Variants in CRYBG3 observed in about 807,000 individuals in gnomAD.
The protein encoded by CRYBG3 is crystallin beta-gamma domain containing 3, also known as very large A-kinase anchor protein.
Under a neutral mutation model 244.2 loss-of-function variants are expected in CRYBG3, and 127 were observed. That is an observed-to-expected ratio of 0.52 (90% confidence interval 0.45 to 0.60). CRYBG3 has a LOEUF of 0.60. CRYBG3 is among the 20% of genes least tolerant of loss of function. The pLI is 0.00. For missense variants in CRYBG3, 3,325 were observed against 3,442.5 expected (o/e 0.97, Z 0.85); for synonymous variants, 1,132 against 1,195.8 (o/e 0.95, Z 1.10).
intron 18 of CRYBG3, among the ~76,000 whole-genome samples, chr3:97,934,120 G>A (rs1237027010): frequency 1.3e-5 from 2 of 151,900 alleles, no homozygotes; most frequent in Non-Finnish European, 2.9e-5. Context: ...GACCAAGTTC[G>A]ATGTTGTTTT....
intron 3 of CRYBG3, among the ~76,000 whole-genome samples, chr3:97,866,023 G>A (rs971361972): frequency 1.3e-5 from 2 of 152,020 alleles, no homozygotes; most frequent in African/African-American, 4.8e-5. Context: ...CAATAGAAAA[G>A]TCAAACAATA....
rs538318680 is a variant in CRYBG3 at position 97,873,939 on chromosome 3, C to T, written c.2745C>T (p.Ala915=). 1 of 1,535,714 alleles carries T rather than the reference C, an allele frequency of 6.5e-7. No individual in the cohort carries two copies. The highest frequency in any genetic ancestry group is 1.4e-5 in the African/African-American group (1 of 73,118). ...ENCQAELSPA[A]SKYEDKPEPE... ...GCCAAGCTGAGCTTTCTCCTGCTGC[C>T]TCCAAATATGAAGATAAGCCAGAAC... Residue 915 remains alanine, a synonymous_variant, in exon 4 of 22, where the codon GCC becomes GCT. Coordinates refer to ENST00000389622, the MANE Select transcript of CRYBG3 (RefSeq NM_153605.4).
intron 3 of CRYBG3, among the ~76,000 whole-genome samples, chr3:97,865,058 G>A (rs2039208632): frequency 6.6e-6 from 1 of 152,100 alleles, no homozygotes; most frequent in Non-Finnish European, 1.5e-5. Context: ...AATGGACTCT[G>A]TTCATGAAAC....
At chr3:97,888,317 A>T in intron 8 of CRYBG3, 24 bp from the exon 9 acceptor site, 1 of 1,406,220 alleles carries the variant, frequency 7.1e-7, no homozygotes, top group Non-Finnish European at 1.0e-6. Context: ...ATTATACTTT[A>T]ACTAACTATC....
At chr3:97,842,673 A>G (rs1016576999) in intron 1 of CRYBG3, among the ~76,000 whole-genome samples, 1 of 152,198 alleles carries the variant, frequency 6.6e-6, no homozygotes, top group South Asian at 2.1e-4. Context: ...TTGGGAAATC[A>G]GATTTTAAGG....
At chr3:97,823,852 C>A (rs960825864) in intron 1 of CRYBG3, among the ~76,000 whole-genome samples, 1 of 152,190 alleles carries the variant, frequency 6.6e-6, no homozygotes, top group Non-Finnish European at 1.5e-5. Flanking sequence ...TCCTGCTTGC[C>A]TCTCTGCCCT....
Position 97,822,282 on chromosome 3 carries a change from C to T in CRYBG3, c.76C>T (p.Arg26Trp), listed in dbSNP as rs2038511232. Residue 26 changes from arginine to tryptophan, a missense_variant, in exon 1 of 22, where the codon CGG (arginine) becomes TGG (tryptophan). Physicochemically the swap from Arg to Trp is moderately radical, Grantham distance 101 (BLOSUM62 -3). This residue lies in a region of CRYBG3 where 1,526 missense variants were observed against 1,443.2 expected (regional missense o/e 1.06). Coordinates refer to ENST00000389622, the MANE Select transcript of CRYBG3 (RefSeq NM_153605.4). ...GTTCTTCGCTCCCCGAAGTCCTTCC[C>T]GGGACAAGGAAGAGGAAGAGGAGGA... is the stretch of plus-strand genomic sequence containing the variant. Reference protein sequence around the residue: ...SRFFAPRSPSRDKEEEEEERP... With the variant: ...SRFFAPRSPSWDKEEEEEERP... The T allele has an allele frequency of 2.0e-6, 3 of 1,530,906 alleles. No homozygotes were observed. The highest frequency in any genetic ancestry group is 1.7e-6 in the Non-Finnish European group (2 of 1,144,720). 94.8% of individuals were successfully genotyped at this position (1,530,906 alleles called of 1,614,324 possible).
chr3:97,874,363 A>G lies in CRYBG3; in HGVS notation c.3169A>G (p.Ile1057Val). Residue 1057 changes from isoleucine (I) to valine (V), a missense_variant, in exon 4 of 22, where the codon ATT becomes GTT. Ile to Val is a conservative substitution (Grantham distance 29, BLOSUM62 3). This residue lies in a region of CRYBG3 where 1,526 missense variants were observed against 1,443.2 expected (regional missense o/e 1.06). Transcript: ENST00000389622. ...GAACATCCATTTTTTAAATGGTGGT[A>G]TTGATAGTGTGTCATCTTCCTCTAG... The part of the protein sequence containing the change: ...KENIHFLNGG[I>V]DSVSSSSSYP... 1 of 1,529,784 alleles carries G rather than the reference A, an allele frequency of 6.5e-7. No individual in the cohort carries two copies. Among genetic ancestry groups the G allele is most frequent in the Non-Finnish European group, 8.7e-7 (1 of 1,145,110 alleles). The allele number at this position is 1,529,784 out of a possible 1,614,324, so 94.8% of individuals were successfully genotyped here. A position where few individuals can be genotyped will look rare whatever the true frequency, so the allele number is the denominator to read the frequency against.
chr3:97,916,514 G>A (rs1205635401), intron 17 of CRYBG3, among the ~76,000 whole-genome samples: 2 of 152,192 alleles, frequency 1.3e-5, no homozygotes, highest in African/African-American at 4.8e-5. Flanking sequence ...AGAGGAGGTA[G>A]TGAGGATCTG....
intron 17 of CRYBG3, chr3:97,924,561 G>A: frequency 2.8e-6 from 1 of 353,196 alleles, no homozygotes; most frequent in Non-Finnish European, 5.5e-6. Context: ...GGTGTTGGCA[G>A]TCATTTCATC....
rs151245559 is a variant in CRYBG3 at position 97,877,996 on chromosome 3, C to T, written c.6802C>T (p.Arg2268Cys). 475 of 1,613,926 alleles carry T rather than the reference C, an allele frequency of 2.9e-4. No homozygotes were observed. The East Asian group carries it at 3.0e-3, about 10-fold the overall frequency. ...TCAGGAACCAGTGTCAAAATATTTC[C>T]GTGTTCAAGACAGCCCAGGCAGATT... ...IFQEPVSKYF[R>C]VQDSPGRLSP... The change falls in exon 4 of 22, where the codon CGT (arginine) becomes TGT (cysteine). Residue 2268 changes from arginine to cysteine, a missense_variant. Around this residue, in one of 4 missense-constraint regions of CRYBG3, gnomAD observed 450 missense variants for 424.1 expected, o/e 1.06. Transcript: ENST00000389622.
intron 17 of CRYBG3, among the ~76,000 whole-genome samples, chr3:97,927,526 A>G (rs2040053138): frequency 6.6e-6 from 1 of 152,078 alleles, no homozygotes. Context: ...TTTTATGAGG[A>G]AGCCCCCAAA....
chr3:97,905,027 AATG>A (rs199736808), intron 15 of CRYBG3, among the ~76,000 whole-genome samples: 1,904 of 152,020 alleles, frequency 0.013, 34 homozygotes, highest in African/African-American at 0.043. Context: ...GTTTACTGAG[AATG>A]ATGATTTCCA....
chr3:97,921,099 A>T (rs62264221), intron 17 of CRYBG3, among the ~76,000 whole-genome samples: 33,608 of 87,068 alleles, frequency 0.39, 4,300 homozygotes, highest in Middle Eastern at 0.51. Context: ...CCCCCCTCCC[A>T]ATACCTTCCT....
Position 97,886,773 on chromosome 3 carries a change from T to C in CRYBG3, c.7289+6T>C, listed in dbSNP as rs2039512939. ...TTCACTGTGAAGTCAGGAGTGTACG[T>C]ATCAGTTCCTTTTTATTATAGTGAT... On this transcript the variant is annotated splice_donor_region_variant and intron_variant, in intron 8 of 21. Coordinates refer to ENST00000389622, the MANE Select transcript of CRYBG3 (RefSeq NM_153605.4). 4 of 1,563,532 alleles carry C rather than the reference T, an allele frequency of 2.6e-6. No individual in the cohort carries two copies.
chr3:97,911,457 C>T (rs190288723), intron 15 of CRYBG3, among the ~76,000 whole-genome samples: 8 of 152,270 alleles, frequency 5.3e-5, no homozygotes, highest in Admixed American at 1.3e-4. Context: ...TTTTTCTTGA[C>T]AAAATTGACT....
At chr3:97,822,457 C>T in intron 1 of CRYBG3, 102 bp downstream of exon 1, 1 of 1,136,572 alleles carries the variant, frequency 8.8e-7, no homozygotes, top group Non-Finnish European at 1.2e-6. Flanking sequence ...GGCCAGGCTG[C>T]AGTTCGCTCG....
chr3:97,943,261 A>T lies in CRYBG3; in HGVS notation c.8860A>T (p.Asn2954Tyr), dbSNP rs781253888. 30 of 1,593,460 alleles carry T rather than the reference A, an allele frequency of 1.9e-5. No individual in the cohort carries two copies. The East Asian group carries it at 5.8e-4, about 31-fold the overall frequency. The change falls in exon 22 of 22, where the codon AAT becomes TAT. Residue 2954 changes from asparagine to tyrosine, a missense_variant. Physicochemically the swap from Asn to Tyr is moderately radical, Grantham distance 143. This residue lies in a region of CRYBG3 where 714 missense variants were observed against 803.6 expected (regional missense o/e 0.89). Coordinates refer to ENST00000389622, the MANE Select transcript of CRYBG3 (RefSeq NM_153605.4). The part of the protein sequence containing the change: ...NYCDKTHVIV[N>Y]QPLEGEETQK... The stretch of plus-strand genomic sequence containing the variant: ...TTGTGACAAGACTCATGTAATTGTA[A>T]ATCAGCCCCTGGAGGGAGAAGAAAC...
At chr3:97,830,347 T>C (rs1392915836) in intron 1 of CRYBG3, among the ~76,000 whole-genome samples, 1 of 152,176 alleles carries the variant, frequency 6.6e-6, no homozygotes, top group East Asian at 1.9e-4. Flanking sequence ...AAGACCTTTC[T>C]CTTGGTCTCT....
Sources: gnomAD v4.1 joint callset for allele counts (sites outside exome capture counted in the v4.1 genomes callset) on GRCh38, gnomAD v4.1.1 for gene constraint, gnomAD v4.1.1 regional missense constraint, MANE v1.5 for transcripts, NCBI Gene and HGNC (gene_info 2026-07-23, HGNC 2026-07-21) for gene names.